The following WASHC4 variants were observed in gnomAD, a reference collection of about 807,000 sequenced individuals.
The protein encoded by WASHC4 is WASH complex subunit 7.
WASHC4 carries 86 observed loss-of-function variants against 166.6 expected under a neutral mutation model. The observed-to-expected ratio is 0.52, with a 90% CI of 0.43 to 0.62. The LOEUF is 0.62. Ranked by LOEUF, WASHC4 falls within the 20% of genes least tolerant of loss-of-function variation. The pLI is 0.00. For synonymous variants in WASHC4, 446 were observed against 451.6 expected (o/e 0.99, Z 0.16); for missense variants, 1,262 against 1,382.4 (o/e 0.91, Z 1.38).
At chr12:105,143,031 G>A (rs1882998893) in intron 19 of WASHC4, 96 bp from the exon 20 acceptor site, 4 of 761,720 alleles carry the variant, frequency 5.3e-6, no homozygotes, top group Middle Eastern at 2.5e-4. Context: ...CCTTCAGATC[G>A]AGGTTTTGTC....
intron 18 of WASHC4, among the ~76,000 whole-genome samples, chr12:105,141,473 G>A (rs1048608283): frequency 3.3e-5 from 5 of 152,178 alleles, no homozygotes; most frequent in Non-Finnish European, 7.4e-5. Flanking sequence ...ATGAGAAAAA[G>A]CAGTGCAACC....
At chr12:105,113,215 A>G (rs1879852900) in intron 2 of WASHC4, among the ~76,000 whole-genome samples, 1 of 152,092 alleles carries the variant, frequency 6.6e-6, no homozygotes, top group Admixed American at 6.5e-5. Context: ...CTTGGCATTA[A>G]GTAATACATG....
chr12:105,118,755 TC>T (rs1880433952), intron 7 of WASHC4, among the ~76,000 whole-genome samples: 1 of 152,194 alleles, frequency 6.6e-6, no homozygotes, highest in South Asian at 2.1e-4. Flanking sequence ...AGAACAATCT[TC>T]AAGAAATTTG....
chr12:105,155,025 GTTAAC>G (rs2135827734), intron 26 of WASHC4: 1 of 142,996 alleles, frequency 7.0e-6, no homozygotes, highest in South Asian at 2.4e-4. Context: ...ATTATGAAAT[GTTAAC>G]TTGTTTTTAC....
intron 30 of WASHC4, among the ~76,000 whole-genome samples, chr12:105,163,569 A>T (rs1222312541): frequency 6.6e-6 from 1 of 151,690 alleles, no homozygotes; most frequent in African/African-American, 2.4e-5. Context: ...TGGTGCAGTC[A>T]TGGTTCACTG....
intron 28 of WASHC4, among the ~76,000 whole-genome samples, chr12:105,159,405 G>A (rs1015468886): frequency 8.5e-5 from 13 of 152,192 alleles, no homozygotes; most frequent in African/African-American, 2.4e-4. Context: ...CTAATCCTGC[G>A]TAATTGTAGG....
At chr12:105,135,493 C>T (rs1307064070) in intron 14 of WASHC4, among the ~76,000 whole-genome samples, 2 of 151,332 alleles carry the variant, frequency 1.3e-5, no homozygotes, top group African/African-American at 4.9e-5. Context: ...TTTGTTGCTT[C>T]TAAAATATGT....
At position 105,139,358 on chromosome 12, in the gene WASHC4, G is replaced by T. The variant is rs1032363343; in HGVS notation, c.1453-936G>T. On this transcript the variant is annotated intron_variant, in intron 15 of 32. Coordinates refer to ENST00000332180, the MANE Select transcript of WASHC4 (RefSeq NM_015275.3). ...AGTTGGTTACTGGATTATGTGTTAC[G>T]TATATGTTCACCTTTTCAAGATGAT... is the stretch of plus-strand genomic sequence containing the variant. 2.1e-5 allele frequency among the ~76,000 whole-genome samples: 3 copies of T among 146,260 alleles called. No homozygotes were observed. In the South Asian group the frequency reaches 6.5e-4, roughly 32 times the overall value.
intron 2 of WASHC4, among the ~76,000 whole-genome samples, chr12:105,112,104 C>G (rs1252028790): frequency 1.3e-5 from 2 of 152,162 alleles, no homozygotes; most frequent in East Asian, 1.9e-4. Context: ...TACTTTTTAT[C>G]TCTATGTGTT....
chr12:105,128,037 A>G (rs1881450482), intron 13 of WASHC4, among the ~76,000 whole-genome samples: 1 of 152,222 alleles, frequency 6.6e-6, no homozygotes, highest in Non-Finnish European at 1.5e-5. Context: ...GAAATGACAC[A>G]GGACTCTGCC....
intron 30 of WASHC4, among the ~76,000 whole-genome samples, chr12:105,163,510 CT>C (rs1592924720): frequency 6.6e-6 from 1 of 150,976 alleles, no homozygotes; most frequent in Non-Finnish European, 1.5e-5. Context: ...TGTTTTTTTC[CT>C]TTCTTTTTGA....
In WASHC4 at chr12:105,121,972, A is replaced by G. The variant is rs866693870; in HGVS notation, c.666-146A>G. ...GATATTAAAAAGCGTAAGAAAATCTATTAGGATTGTTGTGTTCAAATTTTC... is the reference window on the plus strand; with the variant it reads ...GATATTAAAAAGCGTAAGAAAATCTGTTAGGATTGTTGTGTTCAAATTTTC... On this transcript the variant is annotated intron_variant, in intron 9 of 32. Coordinates refer to ENST00000332180, the MANE Select transcript of WASHC4 (RefSeq NM_015275.3). 3.0e-5 allele frequency: 18 copies of G among 604,880 alleles called. 1 individual carries two copies. Among genetic ancestry groups the G allele is most frequent in the South Asian group, 1.7e-4 (8 of 48,194 alleles). The allele number at this position is 604,880 out of a possible 1,614,324, so 37.5% of individuals were successfully genotyped here.
At chr12:105,162,099 A>G (rs1884533223) in intron 29 of WASHC4, among the ~76,000 whole-genome samples, 1 of 152,144 alleles carries the variant, frequency 6.6e-6, no homozygotes, top group African/African-American at 2.4e-5. Context: ...TAGACTGTGA[A>G]CTCTAGATAG....
At chr12:105,148,642 G>C in intron 24 of WASHC4, 1 of 985,306 alleles carries the variant, frequency 1.0e-6, no homozygotes, top group Non-Finnish European at 1.2e-6. Flanking sequence ...AACAAGGAGA[G>C]AGTACAATGT....
rs549567923 is a variant in WASHC4, at chr12:105,159,585, A to T, written c.2913-416A>T. On this transcript the variant is annotated intron_variant, in intron 28 of 32. Coordinates refer to ENST00000332180, the MANE Select transcript of WASHC4 (RefSeq NM_015275.3). The stretch of plus-strand genomic sequence containing the variant: ...AGCTGTACATGAGGGATGCAGGAGA[A>T]AAAGCAGCTGATGTTTTTGAAGGTT... 5.9e-5 allele frequency among the ~76,000 whole-genome samples: 9 copies of T among 151,946 alleles called. No homozygotes were observed. The South Asian group carries it at 1.9e-3, about 32-fold the overall frequency.
rs563338651 is a variant in WASHC4 at position 105,146,432 on chromosome 12, G to A, written c.2335-20G>A. Reference sequence around the variant, plus strand: ...ATTTTAATGAATTATAATAAAACTTGTATGTGTATTATGTTGTAGGGCCTT... The same window carrying A: ...ATTTTAATGAATTATAATAAAACTTATATGTGTATTATGTTGTAGGGCCTT... On this transcript the variant is annotated intron_variant, in intron 22 of 32. Transcript: ENST00000332180. The A allele has an allele frequency of 7.4e-7, 1 of 1,358,070 alleles. No individual in the cohort carries two copies. Among genetic ancestry groups the A allele is most frequent in the Non-Finnish European group, 1.1e-6 (1 of 948,062 alleles). 84.1% of individuals were successfully genotyped at this position (1,358,070 alleles called of 1,614,324 possible). A position where few individuals can be genotyped will look rare whatever the true frequency, so the allele number is the denominator to read the frequency against.
At chr12:105,156,647 A>G (rs1431672262) in intron 26 of WASHC4, 79 bp from the exon 27 acceptor site, 7 of 1,185,448 alleles carry the variant, frequency 5.9e-6, no homozygotes, top group Non-Finnish European at 8.7e-6. Flanking sequence ...CTTGTAATTT[A>G]CTACTGTATG....
At chr12:105,136,171 C>T (rs529121176) in intron 14 of WASHC4, among the ~76,000 whole-genome samples, 1 of 152,242 alleles carries the variant, frequency 6.6e-6, no homozygotes, top group South Asian at 2.1e-4. Context: ...AGGATGCCAA[C>T]TCAGAACTTA....
intron 10 of WASHC4, 130 bp from the exon 11 acceptor site, chr12:105,125,874 C>T (rs1440952905): frequency 1.2e-6 from 1 of 853,096 alleles, no homozygotes; most frequent in East Asian, 2.7e-5. Flanking sequence ...AGAACCTGAG[C>T]TTTAGTTTTA....
Sources: gnomAD v4.1 joint callset for allele counts (sites outside exome capture counted in the v4.1 genomes callset) on GRCh38, gnomAD v4.1.1 for gene constraint, MANE v1.5 for transcripts, NCBI Gene and HGNC (gene_info 2026-07-23, HGNC 2026-07-21) for gene names.